The following ARB2A variants were observed in gnomAD, a reference collection of about 807,000 sequenced individuals.
ARB2A encodes ARB2 cotranscriptional regulator A, also known as cotranscriptional regulator ARB2A.
the ARB2A span, among the ~76,000 whole-genome samples, chr5:94,084,064 G>A: frequency 5.9e-5 from 9 of 151,578 alleles, no homozygotes; most frequent in Non-Finnish European, 7.4e-5. Flanking sequence ...ACCTGAGGTC[G>A]GGAGTTCAAG....
chr5:93,650,427 C>G, the ARB2A span, among the ~76,000 whole-genome samples: 2 of 151,722 alleles, frequency 1.3e-5, no homozygotes, highest in East Asian at 3.9e-4. Flanking sequence ...AAAACCTCAA[C>G]GAACTTGAAA....
chr5:93,909,294 T>C, the ARB2A span, among the ~76,000 whole-genome samples: 3 of 151,062 alleles, frequency 2.0e-5, no homozygotes, highest in Non-Finnish European at 3.0e-5. Context: ...TGTCAAAGTA[T>C]GTACAAAACA....
At chr5:93,722,118 A>G in the ARB2A span, among the ~76,000 whole-genome samples, 2 of 152,276 alleles carry the variant, frequency 1.3e-5, no homozygotes, top group East Asian at 1.9e-4. Context: ...CAGTTTACCT[A>G]TGAGCCACCA....
the ARB2A span, among the ~76,000 whole-genome samples, chr5:93,874,435 C>T: frequency 6.6e-6 from 1 of 152,120 alleles, no homozygotes; most frequent in South Asian, 2.1e-4. Flanking sequence ...GGGAGAGCTT[C>T]CAGGTTAGTA....
At chr5:93,696,568 A>T in the ARB2A span, among the ~76,000 whole-genome samples, 1 of 152,298 alleles carries the variant, frequency 6.6e-6, no homozygotes, top group East Asian at 1.9e-4. Flanking sequence ...TGGAAGTATT[A>T]TATTAGAGCA....
the ARB2A span, among the ~76,000 whole-genome samples, chr5:94,001,841 T>C: frequency 6.6e-6 from 1 of 152,146 alleles, no homozygotes; most frequent in Non-Finnish European, 1.5e-5. Context: ...AAATTGTTTT[T>C]AGTGCCTTTA....
chr5:93,800,901 T>C, the ARB2A span, among the ~76,000 whole-genome samples: 2 of 152,130 alleles, frequency 1.3e-5, no homozygotes, highest in Non-Finnish European at 2.9e-5. Flanking sequence ...AAATAGAGAA[T>C]GAAATGCAAT....
At chr5:94,010,766 T>C in the ARB2A span, among the ~76,000 whole-genome samples, 2 of 152,066 alleles carry the variant, frequency 1.3e-5, no homozygotes, top group African/African-American at 4.8e-5. Flanking sequence ...AGTATAATTA[T>C]TATTATTTTA....
the ARB2A span, among the ~76,000 whole-genome samples, chr5:94,105,480 C>A: frequency 1.3e-5 from 2 of 150,752 alleles, no homozygotes; most frequent in East Asian, 3.9e-4. Context: ...CTGAAGAAAT[C>A]GGAAACAACA....
the ARB2A span, among the ~76,000 whole-genome samples, chr5:93,943,784 T>C: frequency 6.6e-6 from 1 of 152,120 alleles, no homozygotes; most frequent in Non-Finnish European, 1.5e-5. Context: ...TAGATAACCA[T>C]CTATAATGGC....
At chr5:93,798,725 C>A in the ARB2A span, among the ~76,000 whole-genome samples, 1 of 152,032 alleles carries the variant, frequency 6.6e-6, no homozygotes, top group African/African-American at 2.4e-5. Flanking sequence ...TGGGATAACA[C>A]CAGTATCAGA....
chr5:93,650,467 G>A, the ARB2A span, among the ~76,000 whole-genome samples: 2 of 152,066 alleles, frequency 1.3e-5, no homozygotes, highest in Non-Finnish European at 2.9e-5. Flanking sequence ...ATAAACTAAA[G>A]AAGAGGGGAA....
chr5:93,742,153 C>T, the ARB2A span, among the ~76,000 whole-genome samples: 1 of 152,096 alleles, frequency 6.6e-6, no homozygotes, highest in Non-Finnish European at 1.5e-5. Context: ...ATTCTACCCC[C>T]GACCCCACCC....
the ARB2A span, among the ~76,000 whole-genome samples, chr5:94,012,305 G>A: frequency 2.6e-4 from 40 of 152,338 alleles, no homozygotes; most frequent in East Asian, 7.3e-3. Context: ...GGGAGGCTGA[G>A]GCAGGAGAAT....
chr5:94,054,290 C>T, the ARB2A span, among the ~76,000 whole-genome samples: 6 of 152,128 alleles, frequency 3.9e-5, no homozygotes, highest in South Asian at 1.2e-3. Context: ...TCCAGGATTC[C>T]ATTCAGGACA....
the ARB2A span, among the ~76,000 whole-genome samples, chr5:93,654,829 G>A: frequency 2.0e-5 from 3 of 152,122 alleles, no homozygotes; most frequent in Non-Finnish European, 4.4e-5. Flanking sequence ...GCCTTCTGTT[G>A]CCAAAAGATA....
chr5:93,696,484 T>C, the ARB2A span, among the ~76,000 whole-genome samples: 1 of 152,302 alleles, frequency 6.6e-6, no homozygotes, highest in South Asian at 2.1e-4. Context: ...GATGATTAGA[T>C]AGAATCCCAT....
the ARB2A span, among the ~76,000 whole-genome samples, chr5:94,074,209 C>T: frequency 2.0e-5 from 3 of 152,034 alleles, no homozygotes; most frequent in African/African-American, 4.8e-5. Flanking sequence ...CAATGTCTAA[C>T]GCAGATTCCT....
the ARB2A span, among the ~76,000 whole-genome samples, chr5:93,624,987 C>T: frequency 6.6e-6 from 1 of 152,128 alleles, no homozygotes; most frequent in Non-Finnish European, 1.5e-5. Context: ...TTTTCAGAGT[C>T]TTACCAAGAG....
Sources: gnomAD v4.1 joint callset for allele counts (sites outside exome capture counted in the v4.1 genomes callset) on GRCh38, gnomAD v4.1.1 for gene constraint, MANE v1.5 for transcripts, NCBI Gene and HGNC (gene_info 2026-07-23, HGNC 2026-07-21) for gene names.